KHDRBS2: variants seen among roughly 807,000 people sequenced by gnomAD.
KHDRBS2 encodes the protein KH domain-containing, RNA-binding, signal transduction-associated protein 2.
Under a neutral mutation model 44.3 loss-of-function variants are expected in KHDRBS2, and 26 were observed. The ratio of observed to expected loss-of-function variants is 0.59; its 90% CI spans 0.43 to 0.81. The LOEUF (loss-of-function observed/expected upper bound fraction) is 0.81. KHDRBS2 is among the 40% of genes least tolerant of loss of function. The pLI, the probability that KHDRBS2 is intolerant of heterozygous loss-of-function variation, is 0.00. For synonymous variants in KHDRBS2, 194 were observed against 151.1 expected (o/e 1.28, Z -2.08); for missense variants, 476 against 433.1 (o/e 1.10, Z -0.88).
intron 4 of KHDRBS2, among the ~76,000 whole-genome samples, chr6:61,956,889 C>T (rs969749756): frequency 7.4e-6 from 1 of 135,864 alleles, no homozygotes; most frequent in African/African-American, 2.9e-5. Context: ...AGCAAACATT[C>T]CATAGTTATT....
downstream of KHDRBS2, among the ~76,000 whole-genome samples, chr6:61,675,701 G>A (rs1048404328): frequency 6.6e-5 from 10 of 151,538 alleles, no homozygotes; most frequent in African/African-American, 2.2e-4. Context: ...ACTTTTTGTT[G>A]CCCAGATATT....
chr6:61,873,264 T>C (rs62414693), intron 6 of KHDRBS2, among the ~76,000 whole-genome samples: 25,627 of 151,764 alleles, frequency 0.17, 2,292 homozygotes, highest in Non-Finnish European at 0.2. Context: ...TAAAAATATA[T>C]AAATGGCAAA....
intron 2 of KHDRBS2, among the ~76,000 whole-genome samples, chr6:62,166,638 TTTTA>T (rs1220446448): frequency 6.6e-6 from 1 of 152,032 alleles, no homozygotes; most frequent in Non-Finnish European, 1.5e-5. Flanking sequence ...TCATAGAAAG[TTTTA>T]TTTTTCTCCG....
chr6:61,823,384 G>T (rs1039711703), intron 6 of KHDRBS2, among the ~76,000 whole-genome samples: 1 of 152,104 alleles, frequency 6.6e-6, no homozygotes, highest in East Asian at 1.9e-4. Flanking sequence ...TCAGTCTTTT[G>T]CAGAATATCA....
intron 6 of KHDRBS2, among the ~76,000 whole-genome samples, chr6:61,853,636 A>T (rs1421117721): frequency 1.3e-5 from 2 of 152,176 alleles, no homozygotes; most frequent in Non-Finnish European, 2.9e-5. Context: ...ACATTTTATA[A>T]TTGCTAGATA....
chr6:61,679,684 A>G (rs919242733), downstream of KHDRBS2, among the ~76,000 whole-genome samples: 1 of 151,968 alleles, frequency 6.6e-6, no homozygotes, highest in Non-Finnish European at 1.5e-5. Flanking sequence ...GGCCAGTGAC[A>G]CTGATGATTT....
intron 2 of KHDRBS2, among the ~76,000 whole-genome samples, chr6:62,136,886 T>C (rs1347379198): frequency 6.6e-6 from 1 of 152,072 alleles, no homozygotes; most frequent in African/African-American, 2.4e-5. Context: ...ATTCGCAAAG[T>C]TGGCTTTGTT....
intron 2 of KHDRBS2, among the ~76,000 whole-genome samples, chr6:62,070,287 C>A (rs1213972006): frequency 6.7e-6 from 1 of 150,070 alleles, no homozygotes; most frequent in Non-Finnish European, 1.5e-5. Flanking sequence ...CTGGTTTTGG[C>A]ATTAAAAAAA....
intron 1 of KHDRBS2, among the ~76,000 whole-genome samples, chr6:62,256,802 A>G (rs575188963): frequency 6.6e-6 from 1 of 152,208 alleles, no homozygotes; most frequent in African/African-American, 2.4e-5. Context: ...AACTATATGG[A>G]ATATGGGAAC....
chr6:61,769,573 C>T (rs575912719), intron 6 of KHDRBS2, among the ~76,000 whole-genome samples: 11 of 152,290 alleles, frequency 7.2e-5, no homozygotes, highest in African/African-American at 1.7e-4. Flanking sequence ...CATGGAGTCT[C>T]GCTCATTGCT....
chr6:61,785,108 A>T (rs1391413579), intron 6 of KHDRBS2, among the ~76,000 whole-genome samples: 2 of 151,914 alleles, frequency 1.3e-5, no homozygotes, highest in African/African-American at 4.8e-5. Context: ...CATAATCGTG[A>T]CACTATACTC....
chr6:61,648,002 T>A, the KHDRBS2 span, among the ~76,000 whole-genome samples: 1 of 151,946 alleles, frequency 6.6e-6, no homozygotes, highest in Admixed American at 6.6e-5. Flanking sequence ...CTCCCTTAAA[T>A]AAAAGTAAAA....
At chr6:62,054,120 T>C (rs1043235434) in intron 2 of KHDRBS2, among the ~76,000 whole-genome samples, 12 of 152,068 alleles carry the variant, frequency 7.9e-5, no homozygotes, top group Non-Finnish European at 1.8e-4. Context: ...CATCTGCATA[T>C]CCAATGTAAT....
At chr6:61,919,236 T>C (rs1807584454) in intron 4 of KHDRBS2, among the ~76,000 whole-genome samples, 1 of 151,876 alleles carries the variant, frequency 6.6e-6, no homozygotes, top group Non-Finnish European at 1.5e-5. Context: ...GCAGAATGGG[T>C]TTATATAAAA....
At chr6:61,692,400 AATT>A (rs1767468825) in intron 8 of KHDRBS2, among the ~76,000 whole-genome samples, 1 of 151,820 alleles carries the variant, frequency 6.6e-6, no homozygotes, top group Non-Finnish European at 1.5e-5. Context: ...TTTATAAGAT[AATT>A]ATATGTTAAT....
chr6:61,871,429 A>C (rs971989889), intron 6 of KHDRBS2, among the ~76,000 whole-genome samples: 1 of 152,242 alleles, frequency 6.6e-6, no homozygotes, highest in Non-Finnish European at 1.5e-5. Flanking sequence ...GTTGGAAAAC[A>C]ACCTTCAGGA....
intron 4 of KHDRBS2, among the ~76,000 whole-genome samples, chr6:61,960,880 A>C (rs1319070738): frequency 6.6e-6 from 1 of 152,148 alleles, no homozygotes; most frequent in Non-Finnish European, 1.5e-5. Flanking sequence ...ACACTCTGCA[A>C]TGTTTTACCC....
chr6:62,190,045 G>A (rs1824273435), intron 1 of KHDRBS2, among the ~76,000 whole-genome samples: 1 of 152,070 alleles, frequency 6.6e-6, no homozygotes, highest in African/African-American at 2.4e-5. Flanking sequence ...CAAGGACTGA[G>A]CCCAGTGATA....
At chr6:61,732,943 A>T (rs1217656850) in intron 6 of KHDRBS2, among the ~76,000 whole-genome samples, 179 bp from the exon 7 acceptor site, 1 of 152,186 alleles carries the variant, frequency 6.6e-6, no homozygotes, top group Admixed American at 6.6e-5. Flanking sequence ...TATTTCATGG[A>T]TCAGGTATCA....
Sources: allele counts gnomAD v4.1 joint callset (sites outside exome capture counted in the v4.1 genomes callset), GRCh38; gene constraint gnomAD v4.1.1; transcripts MANE v1.5; gene names NCBI Gene and HGNC (gene_info 2026-07-23, HGNC 2026-07-21).